The following RANBP17 variants were observed in gnomAD, a reference collection of about 807,000 sequenced individuals.
RANBP17 encodes the protein RAN binding protein 17, also known as ran-binding protein 17.
Under a neutral mutation model 141.2 loss-of-function variants are expected in RANBP17, and 158 were observed. That is an observed-to-expected ratio of 1.12 (90% CI 0.98 to 1.28). The LOEUF (loss-of-function observed/expected upper bound fraction) is 1.28, where lower values mean the gene tolerates loss of function less well. Ranked by LOEUF, RANBP17 falls within the 50% of genes most tolerant of loss-of-function variation. RANBP17 has a pLI of 0.00. For synonymous variants in RANBP17, 430 were observed against 450.0 expected (o/e 0.96, Z 0.56); for missense variants, 1,438 against 1,290.7 (o/e 1.11, Z -1.75).
At chr5:170,987,305 TA>T (rs1297250679) in intron 14 of RANBP17, among the ~76,000 whole-genome samples, 2 of 151,696 alleles carry the variant, frequency 1.3e-5, no homozygotes, top group Non-Finnish European at 3.0e-5. Context: ...CTTTTCAGAC[TA>T]TTTCTGGGCT....
intron 14 of RANBP17, among the ~76,000 whole-genome samples, chr5:171,099,675 T>A (rs1355504133): frequency 1.3e-5 from 2 of 152,218 alleles, no homozygotes; most frequent in African/African-American, 4.8e-5. Context: ...ATCCTTTTCT[T>A]GTGCCAGTTT....
intron 27 of RANBP17, among the ~76,000 whole-genome samples, chr5:171,298,539 A>C (rs1193019763): frequency 6.6e-6 from 1 of 152,262 alleles, no homozygotes; most frequent in Admixed American, 6.5e-5. Flanking sequence ...GAGTGAATTT[A>C]GTGGCAACCC....
At chr5:170,914,101 T>C (rs1470085823) in intron 7 of RANBP17, 66 bp from the exon 8 acceptor site, 4 of 1,058,452 alleles carry the variant, frequency 3.8e-6, no homozygotes, top group South Asian at 1.3e-5. Context: ...TTGTGTGATA[T>C]TGTCTTACTT....
chr5:171,212,393 A>G (rs939333003), intron 20 of RANBP17, among the ~76,000 whole-genome samples: 1 of 152,196 alleles, frequency 6.6e-6, no homozygotes, highest in African/African-American at 2.4e-5. Context: ...GTAAAACTTG[A>G]GCTAGGTATT....
chr5:171,087,316 G>A (rs1463928050), intron 14 of RANBP17, among the ~76,000 whole-genome samples: 2 of 151,970 alleles, frequency 1.3e-5, no homozygotes, highest in Admixed American at 6.5e-5. Flanking sequence ...TGATTGCACT[G>A]TGGTCTGAGA....
chr5:171,083,814 T>A (rs1247619570), intron 14 of RANBP17, among the ~76,000 whole-genome samples: 1 of 151,386 alleles, frequency 6.6e-6, no homozygotes, highest in Non-Finnish European at 1.5e-5. Flanking sequence ...TAAGGGGGAG[T>A]TTCCTTACAT....
chr5:171,000,965 T>C (rs1229973544), intron 14 of RANBP17, among the ~76,000 whole-genome samples: 1 of 152,200 alleles, frequency 6.6e-6, no homozygotes, highest in East Asian at 1.9e-4. Context: ...CTTCAGTTGC[T>C]TCAGGCCGTC....
At chr5:170,891,780 G>A (rs1769634216) in intron 3 of RANBP17, among the ~76,000 whole-genome samples, 1 of 152,128 alleles carries the variant, frequency 6.6e-6, no homozygotes, top group Non-Finnish European at 1.5e-5. Flanking sequence ...CCTCCCAACA[G>A]GTCCCTCCTC....
Position 171,151,274 on chromosome 5 carries a change from C to A in RANBP17, c.1711-18856C>A, listed in dbSNP as rs773405102. 1.0e-3 allele frequency among the ~76,000 whole-genome samples: 158 copies of A among 152,196 alleles called. 2 individuals are homozygous for A. Among genetic ancestry groups the A allele is most frequent in the Admixed American group, 9.8e-4 (15 of 15,270 alleles). On this transcript the variant is annotated intron_variant, in intron 14 of 27. Transcript: ENST00000523189. ...TAGAGCAAAGCTCACATAAAGACCA[C>A]CGAAATCAATATTATGAAAGAGTCA...
chr5:171,188,209 A>C (rs1761397897), intron 18 of RANBP17, among the ~76,000 whole-genome samples: 1 of 152,250 alleles, frequency 6.6e-6, no homozygotes, highest in Non-Finnish European at 1.5e-5. Context: ...GGCTGGAGGC[A>C]AAGAGAACTA....
At chr5:171,059,318 T>A (rs1442984698) in intron 14 of RANBP17, among the ~76,000 whole-genome samples, 1 of 152,216 alleles carries the variant, frequency 6.6e-6, no homozygotes, top group Non-Finnish European at 1.5e-5. Context: ...AAGTCTTGAA[T>A]CCATCTTGAA....
intron 21 of RANBP17, among the ~76,000 whole-genome samples, chr5:171,216,054 C>A (rs1763199819): frequency 1.3e-5 from 2 of 152,126 alleles, no homozygotes; most frequent in Admixed American, 6.5e-5. Flanking sequence ...ACGTTTAAGT[C>A]TTTTATCCAT....
intron 16 of RANBP17, among the ~76,000 whole-genome samples, chr5:171,177,226 AC>A (rs1760544644): frequency 6.6e-6 from 1 of 152,136 alleles, no homozygotes; most frequent in Non-Finnish European, 1.5e-5. Context: ...TTGTTTGAAT[AC>A]TAGAATCAGG....
intron 27 of RANBP17, among the ~76,000 whole-genome samples, chr5:171,296,777 G>T (rs536342096): frequency 6.4e-4 from 97 of 152,290 alleles, no homozygotes; most frequent in Non-Finnish European, 9.0e-4. Context: ...GCTGGGCATG[G>T]TGGCACGTGC....
intron 14 of RANBP17, among the ~76,000 whole-genome samples, chr5:170,991,023 A>T (rs890284048): frequency 9.9e-5 from 15 of 151,952 alleles, no homozygotes; most frequent in African/African-American, 3.6e-4. Context: ...TAATGTACTG[A>T]AATTTGTTAC....
intron 13 of RANBP17, among the ~76,000 whole-genome samples, chr5:170,962,660 CA>C (rs1776239568): frequency 6.6e-6 from 1 of 152,150 alleles, no homozygotes; most frequent in Non-Finnish European, 1.5e-5. Flanking sequence ...CTCCTCATCT[CA>C]AAATTAGAAG....
intron 12 of RANBP17, among the ~76,000 whole-genome samples, chr5:170,930,711 T>A (rs1406644407): frequency 6.6e-6 from 1 of 152,184 alleles, no homozygotes; most frequent in Non-Finnish European, 1.5e-5. Context: ...GTTTCCAGCT[T>A]CATCCATGTC....
chr5:171,193,725 C>T (rs1414644735), intron 18 of RANBP17, among the ~76,000 whole-genome samples: 2 of 152,160 alleles, frequency 1.3e-5, no homozygotes, highest in African/African-American at 4.8e-5. Flanking sequence ...CCAAATCCTT[C>T]CCATGCTGCC....
intron 14 of RANBP17, among the ~76,000 whole-genome samples, chr5:171,061,622 A>T (rs1481424331): frequency 6.6e-6 from 1 of 152,088 alleles, no homozygotes; most frequent in Admixed American, 6.5e-5. Flanking sequence ...GTGGTGCTGA[A>T]AAAAAATGTA....
Sources: allele counts gnomAD v4.1 joint callset (sites outside exome capture counted in the v4.1 genomes callset), GRCh38; gene constraint gnomAD v4.1.1; transcripts MANE v1.5; gene names NCBI Gene and HGNC (gene_info 2026-07-23, HGNC 2026-07-21).